Variants in RPP30 observed in about 807,000 individuals in gnomAD.
RPP30 encodes the protein ribonuclease P/MRP subunit p30.
A neutral mutation model predicts 38.6 loss-of-function variants in RPP30; 36 were observed. The observed-to-expected ratio is 0.93, with a 90% CI of 0.71 to 1.23. The LOEUF is 1.23. Ranked by LOEUF, RPP30 falls within the 50% of genes most tolerant of loss-of-function variation. RPP30 has a pLI of 0.00. For synonymous variants in RPP30, 126 were observed against 112.7 expected (o/e 1.12, Z -0.75); for missense variants, 321 against 321.7 (o/e 1.00, Z 0.02).
rs566608010 is a variant in RPP30 at position 90,875,039 on chromosome 10, A to G, written c.138+115A>G. ...ATTTCTTAAATGCACCCCTTTGTGC[A>G]CTACTACTTTTCTATTTTATATAGA... On this transcript the variant is annotated intron_variant, in intron 2 of 10. Transcript: ENST00000371703. 10 of 549,934 alleles carry G rather than the reference A, an allele frequency of 1.8e-5. No individual in the cohort carries two copies. The South Asian group carries it at 2.2e-4, about 12-fold the overall frequency. The allele number at this position is 549,934 out of a possible 1,614,324, so 34.1% of individuals were successfully genotyped here.
downstream of RPP30, among the ~76,000 whole-genome samples, chr10:90,902,553 T>C (rs1264509755): frequency 2.0e-5 from 3 of 152,150 alleles, no homozygotes; most frequent in Non-Finnish European, 4.4e-5. Flanking sequence ...GCAGTATCCT[T>C]TATCATATTC....
downstream of RPP30, among the ~76,000 whole-genome samples, chr10:90,904,491 T>A (rs947215278): frequency 6.6e-6 from 1 of 152,152 alleles, no homozygotes; most frequent in African/African-American, 2.4e-5. Flanking sequence ...GTGGAAGGCT[T>A]ACTTTGAACA....
chr10:90,890,554 GCTATAAATA>G (rs1847068272), intron 6 of RPP30, among the ~76,000 whole-genome samples: 1 of 152,060 alleles, frequency 6.6e-6, no homozygotes, highest in African/African-American at 2.4e-5. Context: ...CATGAATCAT[GCTATAAATA>G]CTTGATTTGG....
intron 8 of RPP30, 120 bp from the exon 9 acceptor site, chr10:90,895,760 G>T: frequency 1.4e-6 from 1 of 727,326 alleles, no homozygotes; most frequent in South Asian, 2.1e-5. Flanking sequence ...AAATTATAAG[G>T]ACTTAAATTT....
chr10:90,908,280 C>T (rs1341166623), intron 4 of RPP30: 2 of 152,116 alleles, frequency 1.3e-5, no homozygotes, highest in Non-Finnish European at 2.9e-5. Flanking sequence ...TCATCTCTTC[C>T]AGGAGGGCAT....
At chr10:90,876,891 T>C (rs1564710414) in intron 4 of RPP30, among the ~76,000 whole-genome samples, 1 of 152,090 alleles carries the variant, frequency 6.6e-6, no homozygotes, top group Non-Finnish European at 1.5e-5. Flanking sequence ...TAATTGGGTG[T>C]AGGATGATTA....
At chr10:90,885,696 G>A in intron 5 of RPP30, 116 bp from the exon 6 acceptor site, 1 of 674,626 alleles carries the variant, frequency 1.5e-6, no homozygotes, top group Non-Finnish European at 2.6e-6. Context: ...TTTCAACACA[G>A]AACCATCAAA....
chr10:90,882,561 G>T (rs986126669), intron 5 of RPP30, among the ~76,000 whole-genome samples: 12 of 152,180 alleles, frequency 7.9e-5, no homozygotes, highest in African/African-American at 2.9e-4. Context: ...TACTCAGGAG[G>T]CTGAGGCAGG....
intron 6 of RPP30, among the ~76,000 whole-genome samples, chr10:90,890,113 A>T (rs1375321847): frequency 6.6e-6 from 1 of 151,948 alleles, no homozygotes; most frequent in Admixed American, 6.6e-5. Flanking sequence ...CAGTTAAATG[A>T]CTCTCTCAAG....
intron 10 of RPP30, among the ~76,000 whole-genome samples, chr10:90,900,270 A>G (rs1847185282): frequency 1.3e-5 from 2 of 152,232 alleles, no homozygotes; most frequent in African/African-American, 4.8e-5. Context: ...TGTCTGCTAC[A>G]TCAATGTCTG....
downstream of RPP30, among the ~76,000 whole-genome samples, chr10:90,904,913 C>CT (rs1262670916): frequency 1.3e-5 from 2 of 152,162 alleles, no homozygotes; most frequent in African/African-American, 4.8e-5. Flanking sequence ...AGTCAAATCT[C>CT]TATCTCACAC....
chr10:90,879,913 G>T (rs1277693493), intron 5 of RPP30: 1 of 152,036 alleles, frequency 6.6e-6, no homozygotes, highest in African/African-American at 2.4e-5. Context: ...GTGTCCATCC[G>T]CCAAAAGTAT....
intron 6 of RPP30, among the ~76,000 whole-genome samples, chr10:90,887,628 G>A (rs547369936): frequency 3.3e-5 from 5 of 151,922 alleles, no homozygotes; most frequent in South Asian, 2.1e-4. Flanking sequence ...CTTGTGATCC[G>A]CCCGCCTCAG....
At chr10:90,898,537 C>A (rs1847168550) in intron 10 of RPP30, among the ~76,000 whole-genome samples, 1 of 152,186 alleles carries the variant, frequency 6.6e-6, no homozygotes, top group Non-Finnish European at 1.5e-5. Flanking sequence ...CAGCCGGCAT[C>A]TGTATCATTC....
chr10:90,881,019 G>T (rs1846921572), intron 5 of RPP30, among the ~76,000 whole-genome samples: 1 of 152,156 alleles, frequency 6.6e-6, no homozygotes, highest in Admixed American at 6.5e-5. Flanking sequence ...AACTTAGTTT[G>T]CTTATTAAAT....
chr10:90,905,232 A>T (rs1847241324), downstream of RPP30: 1 of 152,066 alleles, frequency 6.6e-6, no homozygotes. Context: ...CCCCATTCCC[A>T]GGGTGGTGTA....
rs1847191626 is a variant in RPP30 at position 90,900,813 on chromosome 10, T to C, written c.*134T>C. On this transcript the variant is annotated 3_prime_UTR_variant, in exon 11 of 11. Transcript: ENST00000371703. ...AATCAATAGTCTATAAAAACAGTTT[T>C]ACTTGCAATCCATTAAAACAACAAA... is the stretch of plus-strand genomic sequence containing the variant. 1.4e-6 allele frequency: 2 copies of C among 1,379,886 alleles called. No homozygotes were observed. 85.5% of individuals were successfully genotyped at this position (1,379,886 alleles called of 1,614,324 possible).
At chr10:90,904,788 G>A (rs978292933), downstream of RPP30, among the ~76,000 whole-genome samples, 1 of 152,016 alleles carries the variant, frequency 6.6e-6, no homozygotes, top group Admixed American at 6.6e-5. Context: ...TTCCAGTCTG[G>A]GCGACAGAAT....
At chr10:90,899,710 G>A (rs926656358) in intron 10 of RPP30, among the ~76,000 whole-genome samples, 2 of 151,834 alleles carry the variant, frequency 1.3e-5, no homozygotes, top group Non-Finnish European at 2.9e-5. Context: ...TTCTTACTCC[G>A]TTTACCCTAT....
Sources: allele counts gnomAD v4.1 joint callset (sites outside exome capture counted in the v4.1 genomes callset), GRCh38; gene constraint gnomAD v4.1.1; transcripts MANE v1.5; gene names NCBI Gene and HGNC (gene_info 2026-07-23, HGNC 2026-07-21).